RABGAP1L: variants seen among roughly 807,000 people sequenced by gnomAD.
RABGAP1L encodes RAB GTPase activating protein 1 like.
In RABGAP1L, 63 loss-of-function variants were observed where a neutral mutation model predicts 137.7. That is an observed-to-expected ratio of 0.46 (90% CI 0.37 to 0.56). The LOEUF (loss-of-function observed/expected upper bound fraction) is 0.56. Among genes scored for constraint, RABGAP1L ranks in the 20% least tolerant of loss-of-function variants. RABGAP1L has a pLI of 0.00. For missense variants in RABGAP1L, 1,095 were observed against 1,244.0 expected, an observed-to-expected ratio of 0.88 and a Z score of 1.80; for synonymous variants, 431 against 433.7, an observed-to-expected ratio of 0.99 and a Z score of 0.08.
chr1:174,693,428 A>C (rs959713290), intron 15 of RABGAP1L, among the ~76,000 whole-genome samples: 2 of 152,222 alleles, frequency 1.3e-5, no homozygotes, highest in African/African-American at 4.8e-5. Flanking sequence ...TGTTAAAAAC[A>C]AAAGTAATAA....
At chr1:174,610,033 T>G (rs1035344012) in intron 13 of RABGAP1L, among the ~76,000 whole-genome samples, 14 of 103,168 alleles carry the variant, frequency 1.4e-4, no homozygotes, top group Non-Finnish European at 2.7e-4. Flanking sequence ...TTGGTATGCG[T>G]TTTTTTTTTC....
At chr1:174,450,171 A>C (rs1167247812) in intron 13 of RABGAP1L, among the ~76,000 whole-genome samples, 2 of 152,152 alleles carry the variant, frequency 1.3e-5, no homozygotes, top group Admixed American at 1.3e-4. Context: ...TGTAATGCAG[A>C]TGCAGGATAC....
intron 19 of RABGAP1L, among the ~76,000 whole-genome samples, chr1:174,876,759 C>G (rs1314857496): frequency 1.3e-5 from 2 of 152,068 alleles, no homozygotes; most frequent in Admixed American, 6.6e-5. Context: ...AATAACAACA[C>G]AAAACTATGC....
chr1:174,752,184 G>T, intron 17 of RABGAP1L, 129 bp from the exon 18 acceptor site: 1 of 706,424 alleles, frequency 1.4e-6, no homozygotes, highest in Non-Finnish European at 2.3e-6. Flanking sequence ...AAAAACTCAT[G>T]GTTTAATTAT....
intron 13 of RABGAP1L, among the ~76,000 whole-genome samples, chr1:174,510,107 C>T (rs758503308): frequency 3.9e-5 from 6 of 152,190 alleles, no homozygotes; most frequent in Non-Finnish European, 8.8e-5. Context: ...ACTGGACCTT[C>T]GCTGCCTCTT....
chr1:174,853,162 A>G (rs888420485), intron 19 of RABGAP1L, among the ~76,000 whole-genome samples: 4 of 151,704 alleles, frequency 2.6e-5, no homozygotes, highest in African/African-American at 7.2e-5. Context: ...TGGTGTCTCA[A>G]TTATAAAAAG....
At chr1:174,358,251 A>G (rs961741444) in intron 11 of RABGAP1L, among the ~76,000 whole-genome samples, 1 of 152,170 alleles carries the variant, frequency 6.6e-6, no homozygotes, top group Non-Finnish European at 1.5e-5. Context: ...TTTGGATTTT[A>G]TAGAAAAATA....
Position 174,291,588 on chromosome 1 carries a change from G to C in RABGAP1L, c.1323+12809G>C, listed in dbSNP as rs370050282. ...ACCAGTGAAACCATCTGGGCCTATA[G>C]TTTACTTTATGGGAAGCCTTTTAAA... is the stretch of plus-strand genomic sequence containing the variant. On this transcript the variant is annotated intron_variant, in intron 10 of 25. Transcript: ENST00000681986. Among the ~76,000 whole-genome samples the C allele has an allele frequency of 2.0e-5, 3 of 152,092 alleles. No individual in the cohort carries two copies. In the South Asian group the frequency reaches 6.2e-4, roughly 31 times the overall value.
chr1:174,206,894 A>G (rs1290335024), intron 1 of RABGAP1L, among the ~76,000 whole-genome samples: 1 of 146,816 alleles, frequency 6.8e-6, no homozygotes, highest in East Asian at 1.9e-4. Context: ...TGTGGCATTA[A>G]AGTAAGAATT....
intron 20 of RABGAP1L, among the ~76,000 whole-genome samples, chr1:174,968,075 CT>C (rs1258298731): frequency 1.3e-5 from 2 of 152,098 alleles, no homozygotes; most frequent in African/African-American, 4.8e-5. Context: ...CCATGTGTTT[CT>C]TAGCCCTTGT....
chr1:174,760,458 C>T (rs899428102), intron 18 of RABGAP1L, among the ~76,000 whole-genome samples: 3 of 152,124 alleles, frequency 2.0e-5, no homozygotes, highest in East Asian at 1.9e-4. Context: ...TAGTTTGCTT[C>T]GGATGATGGC....
chr1:174,948,893 A>G (rs997788750), intron 19 of RABGAP1L: 1 of 152,228 alleles, frequency 6.6e-6, no homozygotes, highest in Non-Finnish European at 1.5e-5. Flanking sequence ...AATGAAAGTC[A>G]TATGAGCCGA....
intron 19 of RABGAP1L, among the ~76,000 whole-genome samples, chr1:174,927,719 T>A (rs971158658): frequency 8.5e-5 from 13 of 152,342 alleles, no homozygotes; most frequent in African/African-American, 3.1e-4. Context: ...AGCTGGATGA[T>A]GTTTCTTCTT....
chr1:174,351,071 G>T (rs1391815403), intron 11 of RABGAP1L, among the ~76,000 whole-genome samples: 2 of 71,410 alleles, frequency 2.8e-5, no homozygotes, highest in African/African-American at 9.1e-5. Flanking sequence ...GAGACCGTGG[G>T]GGGAGGGGGA....
At chr1:174,883,996 T>C (rs1038776616) in intron 19 of RABGAP1L, among the ~76,000 whole-genome samples, 1 of 152,202 alleles carries the variant, frequency 6.6e-6, no homozygotes, top group East Asian at 1.9e-4. Context: ...TTATCAAGAA[T>C]AGAATGGAGG....
intron 13 of RABGAP1L, among the ~76,000 whole-genome samples, chr1:174,549,883 G>A (rs905327441): frequency 2.6e-5 from 4 of 152,054 alleles, no homozygotes; most frequent in African/African-American, 9.7e-5. Flanking sequence ...ACAGCTGAGA[G>A]TAAGCCAGGT....
At chr1:174,345,800 T>G (rs925509208) in intron 11 of RABGAP1L, among the ~76,000 whole-genome samples, 1 of 152,196 alleles carries the variant, frequency 6.6e-6, no homozygotes, top group African/African-American at 2.4e-5. Flanking sequence ...GTGGTAAAGT[T>G]GGGCTTCCTT....
intron 18 of RABGAP1L, among the ~76,000 whole-genome samples, chr1:174,756,660 G>A (rs1002227319): frequency 7.2e-5 from 11 of 152,168 alleles, no homozygotes; most frequent in South Asian, 4.2e-4. Context: ...AAAGGAAGGC[G>A]GAGGCATGCA....
chr1:174,785,193 T>C (rs1687362719), intron 18 of RABGAP1L, among the ~76,000 whole-genome samples: 1 of 152,172 alleles, frequency 6.6e-6, no homozygotes, highest in African/African-American at 2.4e-5. Context: ...GCCTCCTGAG[T>C]AGCTGGGATT....
Sources: allele counts gnomAD v4.1 joint callset (sites outside exome capture counted in the v4.1 genomes callset), GRCh38; gene constraint gnomAD v4.1.1; transcripts MANE v1.5; gene names NCBI Gene and HGNC (gene_info 2026-07-23, HGNC 2026-07-21).